Variants in CDH13 observed in about 807,000 individuals in gnomAD.
CDH13 encodes cadherin-13.
Under a neutral mutation model 63.8 loss-of-function variants are expected in CDH13, and 24 were observed. That is an observed-to-expected ratio of 0.38 (90% CI 0.27 to 0.53). CDH13 has a LOEUF of 0.53. Ranked by LOEUF, CDH13 falls within the 20% of genes least tolerant of loss-of-function variation. CDH13 has a pLI of 0.85. For synonymous variants in CDH13, 503 were observed against 355.3 expected, an observed-to-expected ratio of 1.42 and a Z score of -4.67; for missense variants, 1,049 against 903.1, an observed-to-expected ratio of 1.16 and a Z score of -2.07.
chr16:82,907,113 A>G (rs1455655127), intron 2 of CDH13, among the ~76,000 whole-genome samples: 8 of 152,170 alleles, frequency 5.3e-5, no homozygotes, highest in Non-Finnish European at 1.2e-4. Context: ...TTCAAGGCCT[A>G]CTCCATAAGT....
At chr16:83,148,977 C>A (rs1279177390) in intron 4 of CDH13, among the ~76,000 whole-genome samples, 1 of 152,072 alleles carries the variant, frequency 6.6e-6, no homozygotes, top group Non-Finnish European at 1.5e-5. Flanking sequence ...TAAGAGTAGA[C>A]CCCAAATGTA....
intron 1 of CDH13, chr16:82,826,291 T>C (rs2038250180): frequency 1.3e-5 from 2 of 152,222 alleles, no homozygotes; most frequent in Admixed American, 1.3e-4. Flanking sequence ...GTTAGACTGC[T>C]TGAGAATTGC....
In CDH13 at chr16:83,500,629, A is replaced by G. The variant is rs144242888; in HGVS notation, c.960+13974A>G. On this transcript the variant is annotated intron_variant, in intron 7 of 13. Coordinates refer to ENST00000567109, the MANE Select transcript of CDH13 (RefSeq NM_001257.5). ...ACTCTGTCACCCAGGCTGGAGTGCA[A>G]TGGCACGATCTTGGCTTACCACAAC... Among the ~76,000 whole-genome samples the G allele has an allele frequency of 4.0e-3, 516 of 130,482 alleles. 8 individuals are homozygous for G. The highest frequency in any genetic ancestry group is 0.033 in the South Asian group (121 of 3,632). 85.6% of individuals were successfully genotyped at this position (130,482 alleles called of 152,430 possible). A position where few individuals can be genotyped will look rare whatever the true frequency, so the allele number is the denominator to read the frequency against.
intron 1 of CDH13, among the ~76,000 whole-genome samples, chr16:82,788,402 G>C (rs146630826): frequency 6.6e-6 from 1 of 152,138 alleles, no homozygotes; most frequent in Non-Finnish European, 1.5e-5. Flanking sequence ...CCCTGATGTG[G>C]TCCACGTGAC....
chr16:83,102,164 A>G (rs760792491), intron 3 of CDH13, among the ~76,000 whole-genome samples: 2 of 152,214 alleles, frequency 1.3e-5, no homozygotes, highest in Non-Finnish European at 2.9e-5. Context: ...TGGAGAAGGC[A>G]AGGATACCTT....
At chr16:82,959,709 C>G (rs775902135) in intron 2 of CDH13, among the ~76,000 whole-genome samples, 1 of 152,340 alleles carries the variant, frequency 6.6e-6, no homozygotes, top group African/African-American at 2.4e-5. Flanking sequence ...TGCATAGGTT[C>G]TGTTTGCCAT....
At chr16:82,915,631 T>C (rs961905348) in intron 2 of CDH13, among the ~76,000 whole-genome samples, 6 of 151,940 alleles carry the variant, frequency 3.9e-5, no homozygotes, top group Non-Finnish European at 2.9e-5. Context: ...CTGGATGGCA[T>C]GTCCCAAGGG....
At chr16:82,962,858 T>A (rs1759095314) in intron 2 of CDH13, among the ~76,000 whole-genome samples, 1 of 152,170 alleles carries the variant, frequency 6.6e-6, no homozygotes, top group Admixed American at 6.5e-5. Flanking sequence ...ATAATTTCAT[T>A]TACTAATGGT....
chr16:83,773,876 C>A (rs1914927758), intron 11 of CDH13, among the ~76,000 whole-genome samples: 1 of 152,276 alleles, frequency 6.6e-6, no homozygotes, highest in South Asian at 2.1e-4. Flanking sequence ...CCCACAGAGG[C>A]CCATTTCTAT....
intron 5 of CDH13, among the ~76,000 whole-genome samples, chr16:83,252,735 G>T (rs756502582): frequency 6.6e-5 from 10 of 152,028 alleles, no homozygotes; most frequent in Non-Finnish European, 8.8e-5. Context: ...GGAGGAGTGC[G>T]CCTGACTTCT....
intron 2 of CDH13, among the ~76,000 whole-genome samples, chr16:82,930,754 C>T (rs1363743692): frequency 2.0e-5 from 3 of 152,102 alleles, no homozygotes; most frequent in African/African-American, 7.2e-5. Context: ...TGGTGATGCC[C>T]AGATATATCA....
At chr16:83,392,343 G>A (rs984415234) in intron 6 of CDH13, among the ~76,000 whole-genome samples, 15 of 152,082 alleles carry the variant, frequency 9.9e-5, no homozygotes, top group African/African-American at 3.4e-4. Context: ...AATGAATGCT[G>A]GCTATTATAT....
At chr16:83,050,869 A>G (rs547489458) in intron 3 of CDH13, among the ~76,000 whole-genome samples, 12 of 152,070 alleles carry the variant, frequency 7.9e-5, no homozygotes, top group Admixed American at 2.0e-4. Context: ...TCGTCTTCCC[A>G]TGCACCTGAA....
chr16:83,469,410 C>T (rs184909155), intron 6 of CDH13, among the ~76,000 whole-genome samples: 175 of 152,156 alleles, frequency 1.2e-3, no homozygotes, highest in African/African-American at 4.0e-3. Flanking sequence ...TCAAATAGGT[C>T]GGGGGTCGAG....
chr16:83,071,918 T>G (rs1597272825), intron 3 of CDH13, among the ~76,000 whole-genome samples: 1 of 152,294 alleles, frequency 6.6e-6, no homozygotes, highest in Admixed American at 6.5e-5. Context: ...CCATCATCTA[T>G]GTGGTCATCT....
At chr16:83,568,387 A>G (rs1185386159) in intron 7 of CDH13, among the ~76,000 whole-genome samples, 1 of 152,202 alleles carries the variant, frequency 6.6e-6, no homozygotes, top group African/African-American at 2.4e-5. Context: ...TGAGTCTTGT[A>G]TGTCATTTCC....
rs191539445 is a variant in CDH13, at chr16:82,787,253, C to T, written c.46-71109C>T. Among the ~76,000 whole-genome samples, 15 of 152,224 alleles carry T rather than the reference C, an allele frequency of 9.9e-5. No homozygotes were observed. In the East Asian group the frequency reaches 2.7e-3, roughly 27 times the overall value. ...ATTGATTTGACTTCTTCACCATGTC[C>T]ATGTATACAGCTGAGCATGGCCAAT... On this transcript the variant is annotated intron_variant, in intron 1 of 13. Coordinates refer to ENST00000567109, the MANE Select transcript of CDH13 (RefSeq NM_001257.5).
chr16:83,051,281 A>G (rs74030374), intron 3 of CDH13, among the ~76,000 whole-genome samples: 4,223 of 152,202 alleles, frequency 0.028, 205 homozygotes, highest in African/African-American at 0.096. Flanking sequence ...CTTATCTTCT[A>G]TGTTCACTGA....
intron 6 of CDH13, among the ~76,000 whole-genome samples, chr16:83,409,488 G>A (rs2092096026): frequency 6.6e-6 from 1 of 152,222 alleles, no homozygotes; most frequent in Admixed American, 6.5e-5. Flanking sequence ...TAAGGGTTTG[G>A]TTTGGGACAT....
Sources: gnomAD v4.1 joint callset for allele counts (sites outside exome capture counted in the v4.1 genomes callset) on GRCh38, gnomAD v4.1.1 for gene constraint, MANE v1.5 for transcripts, NCBI Gene and HGNC (gene_info 2026-07-23, HGNC 2026-07-21) for gene names.